Variants in PCLO observed in about 807,000 individuals in gnomAD.
PCLO encodes the protein piccolo presynaptic cytomatrix protein.
PCLO carries 82 observed loss-of-function variants against 427.5 expected under a neutral mutation model. The ratio of observed to expected loss-of-function variants is 0.19; its 90% confidence interval spans 0.16 to 0.23. The LOEUF (loss-of-function observed/expected upper bound fraction) is 0.23, where lower values mean the gene tolerates loss of function less well. Among genes scored for constraint, PCLO ranks in the 10% least tolerant of loss-of-function variants. The pLI is 1.00. For missense variants in PCLO, 6,239 were observed against 6,115.9 expected (o/e 1.02, Z -0.67); for synonymous variants, 2,357 against 2,155.4 (o/e 1.09, Z -2.59).
chr7:82,999,317 G>A (rs1173545534), intron 3 of PCLO, among the ~76,000 whole-genome samples: 1 of 137,106 alleles, frequency 7.3e-6, no homozygotes, highest in Non-Finnish European at 1.5e-5. Flanking sequence ...AATATATATG[G>A]ATATGTAATA....
At chr7:82,853,502 A>G (rs558009488) in intron 10 of PCLO, among the ~76,000 whole-genome samples, 11 of 152,264 alleles carry the variant, frequency 7.2e-5, no homozygotes, top group South Asian at 6.2e-4. Flanking sequence ...TTTATTGAAA[A>G]TGAAATCTTA....
At chr7:83,152,798 C>T (rs1792170817) in intron 2 of PCLO, among the ~76,000 whole-genome samples, 2 of 152,164 alleles carry the variant, frequency 1.3e-5, no homozygotes, top group African/African-American at 4.8e-5. Flanking sequence ...TCTCTCACAG[C>T]TCTTATAATC....
rs939373633 is a variant in PCLO, at chr7:82,935,271, C to G, written c.11112+14205G>C. Among the ~76,000 whole-genome samples, 4 of 147,352 alleles carry G rather than the reference C, an allele frequency of 2.7e-5. No individual in the cohort carries two copies. In the East Asian group the frequency reaches 8.1e-4, roughly 30 times the overall value. ...AATTTAATCATGTCTTTGCAACTTA[C>G]TTGTTCAGGATAGCCTTCAACAACT... On this transcript the variant is annotated intron_variant, in intron 6 of 24. Transcript: ENST00000333891.
intron 22 of PCLO, among the ~76,000 whole-genome samples, chr7:82,796,301 C>T (rs973873292): frequency 9.9e-5 from 15 of 152,042 alleles, no homozygotes; most frequent in East Asian, 3.9e-4. Context: ...TTTAGATTCA[C>T]GTAATTTAGG....
chr7:82,951,512 T>C (rs746808848), intron 5 of PCLO, 22 bp from the exon 6 acceptor site: 45 of 1,470,204 alleles, frequency 3.1e-5, no homozygotes, highest in Non-Finnish European at 3.4e-5. Context: ...GGCAGAGTTA[T>C]AGTCCAGTTC....
chr7:83,055,480 T>C (rs1187364993), intron 3 of PCLO, among the ~76,000 whole-genome samples: 4 of 152,156 alleles, frequency 2.6e-5, no homozygotes, highest in Non-Finnish European at 5.9e-5. Context: ...GTTGATCTAT[T>C]GCCCCCAACA....
At chr7:82,918,179 C>A (rs933218108) in intron 6 of PCLO, among the ~76,000 whole-genome samples, 1 of 151,924 alleles carries the variant, frequency 6.6e-6, no homozygotes, top group Non-Finnish European at 1.5e-5. Flanking sequence ...CCTCATAGAG[C>A]AATCCCAATG....
intron 3 of PCLO, among the ~76,000 whole-genome samples, chr7:82,996,564 T>C (rs1787618548): frequency 6.6e-6 from 1 of 151,988 alleles, no homozygotes; most frequent in Non-Finnish European, 1.5e-5. Context: ...AACTCCTATA[T>C]TGCTCCTCCT....
At chr7:83,029,042 G>A (rs1411643860) in intron 3 of PCLO, among the ~76,000 whole-genome samples, 3 of 152,074 alleles carry the variant, frequency 2.0e-5, no homozygotes, top group Admixed American at 6.6e-5. Flanking sequence ...CAGGACTTAG[G>A]CATGGGCAAG....
At chr7:82,935,379 T>C (rs1232508976) in intron 6 of PCLO, among the ~76,000 whole-genome samples, 1 of 151,262 alleles carries the variant, frequency 6.6e-6, no homozygotes, top group East Asian at 1.9e-4. Context: ...AAAGATAAAA[T>C]GAGCTAAGTT....
chr7:82,866,655 TACACAC>T (rs71096605), intron 10 of PCLO, among the ~76,000 whole-genome samples: 5,012 of 143,052 alleles, frequency 0.035, 163 homozygotes, highest in African/African-American at 0.087. Flanking sequence ...TGAAATTTTA[TACACAC>T]ACACACACAC....
At chr7:82,876,562 G>T (rs1188756335) in intron 10 of PCLO, among the ~76,000 whole-genome samples, 1 of 151,752 alleles carries the variant, frequency 6.6e-6, no homozygotes, top group Non-Finnish European at 1.5e-5. Flanking sequence ...ATTTGAACTT[G>T]TAAACTTCTA....
intron 22 of PCLO, among the ~76,000 whole-genome samples, chr7:82,775,577 T>C (rs1790732544): frequency 6.6e-6 from 1 of 152,246 alleles, no homozygotes; most frequent in Non-Finnish European, 1.5e-5. Flanking sequence ...TTTTTAAATT[T>C]GTTGTTTGCA....
intron 3 of PCLO, among the ~76,000 whole-genome samples, chr7:83,063,684 A>G (rs1789595138): frequency 6.6e-6 from 1 of 152,070 alleles, no homozygotes; most frequent in Non-Finnish European, 1.5e-5. Context: ...TCAGGATGTA[A>G]CCCCATTAGG....
Position 83,135,101 on chromosome 7 carries a change from C to T in PCLO, c.2449G>A (p.Asp817Asn). 1.2e-6 allele frequency: 2 copies of T among 1,613,912 alleles called. No homozygotes were observed. The highest frequency in any genetic ancestry group is 1.7e-6 in the Non-Finnish European group (2 of 1,179,880). Residue 817 changes from aspartate (D) to asparagine (N), a missense_variant, in exon 3 of 25, where the codon GAT becomes AAT. Asp to Asn is a conservative substitution (Grantham distance 23). This residue lies in a region of PCLO where 4,677 missense variants were observed against 4,468.4 expected (regional missense o/e 1.05). Transcript: ENST00000333891. ...GCAGGTCGAGGTATGGCTTTAGAAT[C>T]AAATGGGCTGACTTTTTCCCCTGTT... Reference protein sequence around the residue: ...PPTGEKVSPFDSKAIPRPASD... With the variant: ...PPTGEKVSPFNSKAIPRPASD...
At chr7:82,823,704 A>G (rs1246072233) in intron 19 of PCLO, among the ~76,000 whole-genome samples, 1 of 152,188 alleles carries the variant, frequency 6.6e-6, no homozygotes, top group Non-Finnish European at 1.5e-5. Context: ...ACATTTAGGA[A>G]AGACTTAAGT....
intron 3 of PCLO, among the ~76,000 whole-genome samples, chr7:83,001,337 GAT>G (rs1310175538): frequency 6.6e-6 from 1 of 151,868 alleles, no homozygotes; most frequent in Non-Finnish European, 1.5e-5. Context: ...TTATCTGAAG[GAT>G]ACTGAATGTA....
At chr7:82,865,956 A>G (rs550773920) in intron 10 of PCLO, among the ~76,000 whole-genome samples, 4 of 152,208 alleles carry the variant, frequency 2.6e-5, no homozygotes, top group Admixed American at 2.6e-4. Flanking sequence ...ATTGCGTCTC[A>G]TCTCACATAA....
chr7:82,834,948 T>G (rs1792189883), intron 16 of PCLO, among the ~76,000 whole-genome samples: 1 of 115,646 alleles, frequency 8.6e-6, no homozygotes, highest in Non-Finnish European at 2.0e-5. Flanking sequence ...CCTATTATCT[T>G]TTTTTTTGTT....
Sources: gnomAD v4.1 joint callset for allele counts (sites outside exome capture counted in the v4.1 genomes callset) on GRCh38, gnomAD v4.1.1 for gene constraint, gnomAD v4.1.1 regional missense constraint, MANE v1.5 for transcripts, NCBI Gene and HGNC (gene_info 2026-07-23, HGNC 2026-07-21) for gene names.